Variants in BICD2 observed in about 807,000 individuals in gnomAD.
BICD2 encodes the protein BICD cargo adaptor 2.
Under a neutral mutation model 72.9 loss-of-function variants are expected in BICD2, and 25 were observed. The ratio of observed to expected loss-of-function variants is 0.34; its 90% CI spans 0.25 to 0.48. The LOEUF is 0.48. Ranked by LOEUF, BICD2 falls within the 20% of genes least tolerant of loss-of-function variation. The probability of loss-of-function intolerance (pLI) is 0.99; values close to 1 mark genes in which losing one functional copy is unlikely to be tolerated. For synonymous variants in BICD2, 501 were observed against 516.1 expected (o/e 0.97, Z 0.40); for missense variants, 894 against 1,175.2 (o/e 0.76, Z 3.50).
intron 1 of BICD2, among the ~76,000 whole-genome samples, chr9:92,755,385 A>G (rs187119592): frequency 1.3e-3 from 204 of 152,194 alleles, no homozygotes; most frequent in Non-Finnish European, 2.1e-3. Context: ...TTGCCTCATG[A>G]TATTCTATTA....
intron 1 of BICD2, among the ~76,000 whole-genome samples, chr9:92,750,161 G>A (rs1854118251): frequency 6.6e-6 from 1 of 152,264 alleles, no homozygotes; most frequent in Non-Finnish European, 1.5e-5. Context: ...GATGAACTAT[G>A]AGGGTGGAGC....
chr9:92,732,391 A>C (rs1238321171), intron 1 of BICD2, among the ~76,000 whole-genome samples: 1 of 152,246 alleles, frequency 6.6e-6, no homozygotes, highest in African/African-American at 2.4e-5. Context: ...AAAAGGGGAA[A>C]ATAGAAAAAG....
chr9:92,735,372 G>A (rs1853760943), intron 1 of BICD2, among the ~76,000 whole-genome samples: 1 of 151,990 alleles, frequency 6.6e-6, no homozygotes, highest in African/African-American at 2.4e-5. Context: ...GGATGGGCGG[G>A]GTAAGCTCTG....
chr9:92,745,179 C>T (rs1467134776), intron 1 of BICD2, among the ~76,000 whole-genome samples: 1 of 152,274 alleles, frequency 6.6e-6, no homozygotes, highest in South Asian at 2.1e-4. Flanking sequence ...GATCACCCCA[C>T]AAACAGATGT....
In BICD2 at chr9:92,750,204, G is replaced by A. The variant is rs150829196; in HGVS notation, c.240+14301C>T. ...GAGGGAACTCTTGTTCAATGCTGGC[G>A]GAAATACAAAATGGTATTCGCATTT... On this transcript the variant is annotated intron_variant, in intron 1 of 6. Transcript: ENST00000356884. Among the ~76,000 whole-genome samples the A allele has an allele frequency of 9.9e-5, 15 of 152,270 alleles. No individual in the cohort carries two copies. The East Asian group carries it at 2.5e-3, about 25-fold the overall frequency.
intron 1 of BICD2, among the ~76,000 whole-genome samples, chr9:92,736,167 T>C (rs925035318): frequency 3.9e-5 from 6 of 152,198 alleles, no homozygotes; most frequent in Non-Finnish European, 8.8e-5. Flanking sequence ...TAAAACAGGC[T>C]GCAGTAATTA....
chr9:92,722,852 G>GC (rs770000058), intron 2 of BICD2, 44 bp from the exon 3 acceptor site: 17 of 1,611,500 alleles, frequency 1.1e-5, no homozygotes, highest in Non-Finnish European at 1.4e-5. Flanking sequence ...GCCTCCACAG[G>GC]GCACGAGAGG....
At chr9:92,716,351 G>A (rs1322256583) in intron 6 of BICD2, among the ~76,000 whole-genome samples, 1 of 152,208 alleles carries the variant, frequency 6.6e-6, no homozygotes, top group East Asian at 1.9e-4. Flanking sequence ...AAAAGGTAGG[G>A]TTTACATGCC....
At chr9:92,749,205 G>C (rs1854093237) in intron 1 of BICD2, among the ~76,000 whole-genome samples, 1 of 152,110 alleles carries the variant, frequency 6.6e-6, no homozygotes, top group South Asian at 2.1e-4. Flanking sequence ...GGGAACTGGG[G>C]TCCAGGCCAG....
intron 1 of BICD2, among the ~76,000 whole-genome samples, chr9:92,745,652 C>G (rs1853995431): frequency 6.6e-6 from 1 of 152,130 alleles, no homozygotes; most frequent in African/African-American, 2.4e-5. Context: ...GGGCAATTAC[C>G]CCAAGGCATC....
chr9:92,751,280 A>G (rs1337007749), intron 1 of BICD2, among the ~76,000 whole-genome samples: 1 of 151,978 alleles, frequency 6.6e-6, no homozygotes, highest in Admixed American at 6.6e-5. Flanking sequence ...TCTTCCAAGT[A>G]GCTGGGACTG....
In BICD2 at chr9:92,713,684, G is replaced by A. The variant is rs562785558; in HGVS notation, c.*1470C>T. 45 of 1,412,018 alleles carry A rather than the reference G, an allele frequency of 3.2e-5. No individual in the cohort carries two copies. Among genetic ancestry groups the A allele is most frequent in the Middle Eastern group, 2.6e-4 (1 of 3,778 alleles). The allele number at this position is 1,412,018 out of a possible 1,614,324, so 87.5% of individuals were successfully genotyped here. A position where few individuals can be genotyped will look rare whatever the true frequency, so the allele number is the denominator to read the frequency against. The stretch of plus-strand genomic sequence containing the variant: ...CAGGCTTGCAAGGAGAGGGCAAAGC[G>A]CATGCAGGGTGGGCATGCCAGCAGC... On this transcript the variant is annotated 3_prime_UTR_variant, in exon 7 of 7. Transcript: ENST00000356884.
At position 92,764,759 on chromosome 9, in the gene BICD2, G is replaced by T. The variant is rs1230145226; in HGVS notation, c.-15C>A. ...GGCGCCGACATGGTGGCCGAGGGCT[G>T]AGCCGGCTCCCACTGAGGCTCTCGC... On this transcript the variant is annotated 5_prime_UTR_variant, in exon 1 of 7. Transcript: ENST00000356884. The surrounding 1 kb of genome is among the most constrained non-coding windows in gnomAD (Gnocchi z 5.5). 6.5e-7 allele frequency: 1 copy of T among 1,534,484 alleles called. No individual in the cohort carries two copies. Among genetic ancestry groups the T allele is most frequent in the East Asian group, 2.6e-5 (1 of 38,424 alleles).
At position 92,758,906 on chromosome 9, in the gene BICD2, C is replaced by T. The variant is rs1012121327; in HGVS notation, c.240+5599G>A. Among the ~76,000 whole-genome samples the T allele has an allele frequency of 5.3e-5, 8 of 151,646 alleles. No individual in the cohort carries two copies. In the South Asian group the frequency reaches 1.0e-3, roughly 20 times the overall value. ...AGGCGTGGTAGCTCACATCTCTAAT[C>T]CCAACACTTTGCAGGCCAAGGCGGG... is the stretch of plus-strand genomic sequence containing the variant. On this transcript the variant is annotated intron_variant, in intron 1 of 6. Coordinates refer to ENST00000356884, the MANE Select transcript of BICD2 (RefSeq NM_001003800.2).
intron 1 of BICD2, among the ~76,000 whole-genome samples, chr9:92,738,760 C>G (rs540367994): frequency 6.6e-6 from 1 of 152,356 alleles, no homozygotes; most frequent in East Asian, 1.9e-4. Context: ...CCAGGGAATT[C>G]TCTTTCATCC....
intron 1 of BICD2, among the ~76,000 whole-genome samples, chr9:92,731,652 G>A (rs116879104): frequency 7.8e-4 from 119 of 152,266 alleles, no homozygotes; most frequent in Non-Finnish European, 1.3e-3. Context: ...GAGGCAAGGC[G>A]TGGCAGACCC....
Position 92,715,085 on chromosome 9 carries a change from C to T in BICD2, c.*69G>A, listed in dbSNP as rs999368171. ...CACGTTAAGATTGACCTAGCACCGC[C>T]GTCCCGCTGCTGCTGGGTTAGTTGA... On this transcript the variant is annotated 3_prime_UTR_variant, in exon 7 of 7. Transcript: ENST00000356884. 1.1e-5 allele frequency: 16 copies of T among 1,517,546 alleles called. No individual in the cohort carries two copies. The highest frequency in any genetic ancestry group is 2.5e-4 in the Middle Eastern group (1 of 4,080). The allele number at this position is 1,517,546 out of a possible 1,614,324, so 94.0% of individuals were successfully genotyped here.
rs374148729 is a variant in BICD2, at chr9:92,764,749, G to A, written c.-5C>T. The A allele has an allele frequency of 7.5e-5, 116 of 1,556,306 alleles. No homozygotes were observed. Among genetic ancestry groups the A allele is most frequent in the Middle Eastern group, 1.7e-4 (1 of 5,778 alleles). On this transcript the variant is annotated 5_prime_UTR_variant, in exon 1 of 7. Coordinates refer to ENST00000356884, the MANE Select transcript of BICD2 (RefSeq NM_001003800.2). The surrounding 1 kb of genome is among the most constrained non-coding windows in gnomAD (Gnocchi z 5.5). ...CTCCTCCGACGGCGCCGACATGGTG[G>A]CCGAGGGCTGAGCCGGCTCCCACTG...
At chr9:92,736,300 T>C (rs1188412267) in intron 1 of BICD2, among the ~76,000 whole-genome samples, 1 of 152,188 alleles carries the variant, frequency 6.6e-6, no homozygotes, top group Non-Finnish European at 1.5e-5. Context: ...CATTATATGC[T>C]AATTATAATA....
Sources: gnomAD v4.1 joint callset for allele counts (sites outside exome capture counted in the v4.1 genomes callset) on GRCh38, gnomAD v4.1.1 for gene constraint, Gnocchi (gnomAD v3.1) non-coding constraint, MANE v1.5 for transcripts, NCBI Gene and HGNC (gene_info 2026-07-23, HGNC 2026-07-21) for gene names.